The following TREH variants were observed in gnomAD, a reference collection of about 807,000 sequenced individuals.
TREH encodes alpha,alpha-trehalose glucohydrolase.
A neutral mutation model predicts 80.5 loss-of-function variants in TREH; 69 were observed. The ratio of observed to expected loss-of-function variants is 0.86; its 90% CI spans 0.71 to 1.05. TREH has a LOEUF of 1.05. Among genes scored for constraint, TREH ranks in the 50% least tolerant of loss-of-function variants. The pLI is 0.00. For synonymous variants in TREH, 309 were observed against 293.5 expected (o/e 1.05, Z -0.54); for missense variants, 716 against 718.8 (o/e 1.00, Z 0.04).
chr11:118,661,497 G>A lies in TREH; in HGVS notation c.630C>T (p.Val210=), dbSNP rs1013564876. 6.8e-6 allele frequency: 11 copies of A among 1,613,424 alleles called. No individual in the cohort carries two copies. Among genetic ancestry groups the A allele is most frequent in the Non-Finnish European group, 8.5e-6 (10 of 1,179,704 alleles). ...GGTAGTACACGCGCCCACCATTGGG[G>A]ACATGCCCATAGCTGCCAAGGGGAA... ...FLDLVKTYGH[V]PNGGRVYYLQ... The change falls in exon 7 of 15, where the codon GTC becomes GTT. Residue 210 remains valine (V), a synonymous_variant. Transcript: ENST00000264029. This position sits in a 1 kb window ranked among gnomAD's most constrained non-coding sequence, Gnocchi z 4.2.
At chr11:118,672,713 C>CAA (rs58199596) in intron 1 of TREH, among the ~76,000 whole-genome samples, 295 of 42,484 alleles carry the variant, frequency 6.9e-3, no homozygotes, top group Middle Eastern at 0.011. Flanking sequence ...GACTCCATCT[C>CAA]AAAAAAAAAA....
intron 1 of TREH, among the ~76,000 whole-genome samples, chr11:118,677,182 G>C (rs1000600962): frequency 4.6e-5 from 7 of 152,236 alleles, no homozygotes; most frequent in African/African-American, 7.2e-5. Flanking sequence ...ACTGAGGTCA[G>C]CCACACAGGT....
intron 1 of TREH, among the ~76,000 whole-genome samples, chr11:118,672,280 C>T (rs546985019): frequency 6.6e-6 from 1 of 151,990 alleles, no homozygotes; most frequent in African/African-American, 2.4e-5. Context: ...CACTTGTAGT[C>T]CCAGGTACTG....
rs1591834937 is a variant in TREH at position 118,669,591 on chromosome 11, A to G, written c.90-6152T>C. ...CATTATATTAAGTGAAATAAGCCAG[A>G]CGCAGAAAGACAAACTTCATATGTT... On this transcript the variant is annotated intron_variant, in intron 1 of 14. Coordinates refer to ENST00000264029, the MANE Select transcript of TREH (RefSeq NM_007180.3). Among the ~76,000 whole-genome samples the G allele has an allele frequency of 2.0e-5, 3 of 152,328 alleles. No homozygotes were observed. In the South Asian group the frequency reaches 6.2e-4, roughly 32 times the overall value.
In TREH at chr11:118,661,916, G is replaced by A. The variant is rs372572549; in HGVS notation, c.498C>T (p.Gly166=). ...IYSEHPFIVP[G]GRFVEFYYWD... Reference sequence around the variant, plus strand: ...AGTAGTAGAACTCAACAAAGCGACCGCCAGGCACAATGAAGGGATGTTCTG... The same window carrying A: ...AGTAGTAGAACTCAACAAAGCGACCACCAGGCACAATGAAGGGATGTTCTG... Residue 166 remains glycine (G), a synonymous_variant, in exon 5 of 15, where the codon GGC becomes GGT. Coordinates refer to ENST00000264029, the MANE Select transcript of TREH (RefSeq NM_007180.3). This position sits in a 1 kb window ranked among gnomAD's most constrained non-coding sequence, Gnocchi z 4.2. The A allele has an allele frequency of 1.3e-5, 20 of 1,555,828 alleles. No individual in the cohort carries two copies. The highest frequency in any genetic ancestry group is 9.8e-5 in the Admixed American group (5 of 51,218).
At position 118,659,799 on chromosome 11, in the gene TREH, G is replaced by T. The variant is rs782740573; in HGVS notation, c.1268C>A (p.Ala423Asp). 1.3e-6 allele frequency: 2 copies of T among 1,583,514 alleles called. No individual in the cohort carries two copies. The highest frequency in any genetic ancestry group is 1.7e-6 in the Non-Finnish European group (2 of 1,164,276). The change falls in exon 11 of 15, where the codon GCC becomes GAC. Residue 423 changes from alanine (A) to aspartate (D), a missense_variant. Coordinates refer to ENST00000264029, the MANE Select transcript of TREH (RefSeq NM_007180.3). ...CACGCCAGGGTCAGAGAAACACCCG[G>T]CCCAGAGTGGAGTGAGGTTGGATGG... ...FYPSNLTPLW[A>D]GCFSDPGVAD... is the part of the protein sequence containing the mutation.
At chr11:118,665,478 A>C (rs1177800319) in intron 1 of TREH, among the ~76,000 whole-genome samples, 3 of 152,064 alleles carry the variant, frequency 2.0e-5, no homozygotes, top group African/African-American at 7.2e-5. Context: ...TCTCTACTAA[A>C]AAGTACAAAA....
rs137938233 is a variant in TREH at position 118,658,895 on chromosome 11, G to A, written c.1545+10C>T. On this transcript the variant is annotated intron_variant, in intron 13 of 14. Transcript: ENST00000264029. ...GCCTGGGGGTGCAGGGAGGGCTTGG[G>A]CCAGCTCACCTTCTCATACATGGCT... 34 of 1,613,666 alleles carry A rather than the reference G, an allele frequency of 2.1e-5. No individual in the cohort carries two copies. In the African/African-American group the frequency reaches 3.7e-4, roughly 18 times the overall value.
At chr11:118,679,339 C>T (rs889183612) in intron 1 of TREH, among the ~76,000 whole-genome samples, 200 bp downstream of exon 1, 1 of 151,964 alleles carries the variant, frequency 6.6e-6, no homozygotes, top group Non-Finnish European at 1.5e-5. Context: ...CTAACAACAA[C>T]AACAAAAAAA....
rs1591840074 is a variant in TREH, at chr11:118,679,537, A to C, written c.89+2T>G. On this transcript the variant is annotated splice_donor_variant, in intron 1 of 14. Transcript: ENST00000264029. LOFTEE classifies it high-confidence loss of function. Reference sequence around the variant, plus strand: ...CCCCTGCTGCCTTCCCCACACCCCTACCTCTCACAGGGTGGGGGTAGGGCC... The same window carrying C: ...CCCCTGCTGCCTTCCCCACACCCCTCCCTCTCACAGGGTGGGGGTAGGGCC... The C allele has an allele frequency of 6.7e-7, 1 of 1,491,154 alleles. No homozygotes were observed. Among genetic ancestry groups the C allele is most frequent in the African/African-American group, 1.4e-5 (1 of 70,800 alleles). The allele number at this position is 1,491,154 out of a possible 1,614,324, so 92.4% of individuals were successfully genotyped here. A position where few individuals can be genotyped will look rare whatever the true frequency, so the allele number is the denominator to read the frequency against.
In TREH at chr11:118,661,284, T is replaced by G; in HGVS notation, c.735-2A>C. 1 of 1,613,968 alleles carries G rather than the reference T, an allele frequency of 6.2e-7. No individual in the cohort carries two copies. Among genetic ancestry groups the G allele is most frequent in the Non-Finnish European group, 8.5e-7 (1 of 1,179,898 alleles). On this transcript the variant is annotated splice_acceptor_variant, in intron 7 of 14. Transcript: ENST00000264029. LOFTEE classifies it high-confidence loss of function. The surrounding 1 kb of genome is among the most constrained non-coding windows in gnomAD (Gnocchi z 4.2). ...AAGGCTAGTGTTTCAATGTTTTCCCTGGAGTGAAGCAGACAACACCTCAGC... is the reference window on the plus strand; with the variant it reads ...AAGGCTAGTGTTTCAATGTTTTCCCGGGAGTGAAGCAGACAACACCTCAGC...
At chr11:118,663,313 AG>A in intron 2 of TREH, 25 bp downstream of exon 2, 2 of 1,568,632 alleles carry the variant, frequency 1.3e-6, no homozygotes, top group Middle Eastern at 1.7e-4. Flanking sequence ...TTCTCTGGAG[AG>A]GACGTTCAGC....
At chr11:118,662,808 A>G in intron 4 of TREH, 73 bp downstream of exon 4, 2 of 1,509,326 alleles carry the variant, frequency 1.3e-6, no homozygotes. Context: ...CTCCGAAGAC[A>G]CTGTGGGCCC....
At chr11:118,675,983 A>G (rs1949475053) in intron 1 of TREH, among the ~76,000 whole-genome samples, 1 of 152,218 alleles carries the variant, frequency 6.6e-6, no homozygotes, top group African/African-American at 2.4e-5. Context: ...GATTACAGGC[A>G]TGAGCCACTG....
chr11:118,679,440 T>C (rs1949512415), intron 1 of TREH, 99 bp downstream of exon 1: 1 of 1,322,404 alleles, frequency 7.6e-7, no homozygotes, highest in African/African-American at 1.5e-5. Context: ...CTTTATAATC[T>C]CTTCCTTTCC....
intron 1 of TREH, among the ~76,000 whole-genome samples, chr11:118,667,516 T>TA (rs369407255): frequency 6.6e-6 from 1 of 152,312 alleles, no homozygotes; most frequent in African/African-American, 2.4e-5. Flanking sequence ...ATGGGTTTCT[T>TA]ATAGTATTAA....
intron 1 of TREH, among the ~76,000 whole-genome samples, chr11:118,673,716 G>A (rs759473684): frequency 1.3e-5 from 2 of 152,184 alleles, no homozygotes; most frequent in Non-Finnish European, 2.9e-5. Flanking sequence ...TATAGACAAG[G>A]TTCCCATTGT....
At chr11:118,663,473 C>A in intron 1 of TREH, 34 bp from the exon 2 acceptor site, 1 of 1,484,192 alleles carries the variant, frequency 6.7e-7, no homozygotes, top group Non-Finnish European at 9.2e-7. Context: ...GGTCAGGTCA[C>A]CACCACCACC....
chr11:118,658,633 G>T lies in TREH; in HGVS notation c.1599+47C>A, dbSNP rs575836059. The T allele has an allele frequency of 2.1e-5, 33 of 1,555,572 alleles. 1 individual carries two copies. The South Asian group carries it at 3.8e-4, about 18-fold the overall frequency. ...TGGGGCGGGGGTCATGAGCAGCAGAGTTCAGGAGTTCCCTGGTGTTGGCCA... is the reference window on the plus strand; with the variant it reads ...TGGGGCGGGGGTCATGAGCAGCAGATTTCAGGAGTTCCCTGGTGTTGGCCA... On this transcript the variant is annotated intron_variant, in intron 14 of 14. Transcript: ENST00000264029.
Sources: gnomAD v4.1 joint callset for allele counts (sites outside exome capture counted in the v4.1 genomes callset) on GRCh38, gnomAD v4.1.1 for gene constraint, Gnocchi (gnomAD v3.1) non-coding constraint, MANE v1.5 for transcripts, NCBI Gene and HGNC (gene_info 2026-07-23, HGNC 2026-07-21) for gene names.